Variants in GPC5 observed in about 807,000 individuals in gnomAD.
GPC5 encodes glypican 5.
A neutral mutation model predicts 53.9 loss-of-function variants in GPC5; 47 were observed. The ratio of observed to expected loss-of-function variants is 0.87; its 90% CI spans 0.69 to 1.11. The LOEUF (loss-of-function observed/expected upper bound fraction) is 1.11. Among genes scored for constraint, GPC5 ranks in the 50% most tolerant of loss-of-function variants. The pLI is 0.00. For missense variants in GPC5, 748 were observed against 713.1 expected (o/e 1.05, Z -0.56); for synonymous variants, 286 against 263.3 (o/e 1.09, Z -0.84).
At chr13:92,466,758 G>C (rs1878706953) in intron 7 of GPC5, among the ~76,000 whole-genome samples, 1 of 152,056 alleles carries the variant, frequency 6.6e-6, no homozygotes, top group Non-Finnish European at 1.5e-5. Flanking sequence ...TTGGTGGTAG[G>C]ATGGTGGTAC....
At chr13:92,591,776 A>T (rs1594329268) in intron 7 of GPC5, among the ~76,000 whole-genome samples, 4 of 152,120 alleles carry the variant, frequency 2.6e-5, no homozygotes, top group Admixed American at 2.0e-4. Flanking sequence ...GCCATTGGTA[A>T]CCGCCATTCT....
intron 7 of GPC5, among the ~76,000 whole-genome samples, chr13:92,669,290 T>C (rs1320912847): frequency 9.2e-5 from 14 of 152,158 alleles, no homozygotes. Flanking sequence ...ATTTTTTTAT[T>C]TCACCATGAC....
chr13:92,360,334 A>G (rs1243023387), intron 7 of GPC5, among the ~76,000 whole-genome samples: 3 of 151,738 alleles, frequency 2.0e-5, no homozygotes, highest in African/African-American at 4.9e-5. Flanking sequence ...ATGCAAATCA[A>G]TAAATGTGAA....
intron 2 of GPC5, among the ~76,000 whole-genome samples, chr13:91,488,382 G>T (rs1883735746): frequency 1.3e-5 from 2 of 152,188 alleles, no homozygotes; most frequent in Admixed American, 6.5e-5. Context: ...ATTCCCCAAG[G>T]TAAGTTGAAG....
chr13:92,705,221 G>A (rs1371336838), intron 7 of GPC5, among the ~76,000 whole-genome samples: 1 of 151,982 alleles, frequency 6.6e-6, no homozygotes, highest in African/African-American at 2.4e-5. Context: ...ATTCAAATAA[G>A]TTTTGAATTT....
At chr13:92,515,721 C>G (rs1259675065) in intron 7 of GPC5, among the ~76,000 whole-genome samples, 2 of 151,992 alleles carry the variant, frequency 1.3e-5, no homozygotes, top group African/African-American at 4.8e-5. Flanking sequence ...AATGGAAATC[C>G]TGGTTTATGG....
intron 2 of GPC5, among the ~76,000 whole-genome samples, chr13:91,537,528 C>CA (rs1440379863): frequency 2.6e-5 from 4 of 151,922 alleles, no homozygotes; most frequent in Admixed American, 6.6e-5. Flanking sequence ...TATTGGTAAG[C>CA]AAAAAAAGTC....
chr13:92,255,909 A>G (rs1197781279), intron 7 of GPC5, among the ~76,000 whole-genome samples: 7 of 152,136 alleles, frequency 4.6e-5, no homozygotes, highest in Admixed American at 4.6e-4. Context: ...TTTAGAAGGA[A>G]GGGAATGACT....
intron 6 of GPC5, among the ~76,000 whole-genome samples, chr13:91,977,609 CA>C (rs2040315470): frequency 6.6e-6 from 1 of 151,902 alleles, no homozygotes; most frequent in Admixed American, 6.5e-5. Context: ...ATAGACAATG[CA>C]AAAAAGGGCA....
At position 91,628,897 on chromosome 13, in the gene GPC5, C is replaced by T. The variant is rs116346165; in HGVS notation, c.326-64290C>T. Among the ~76,000 whole-genome samples, 629 of 152,214 alleles carry T rather than the reference C, an allele frequency of 4.1e-3. 7 individuals are homozygous for T. The highest frequency in any genetic ancestry group is 0.014 in the African/African-American group (601 of 41,548). On this transcript the variant is annotated intron_variant, in intron 2 of 7. Coordinates refer to ENST00000377067, the MANE Select transcript of GPC5 (RefSeq NM_004466.6). ...CATTTCTAATAAGCAGCTAGTCCAC[C>T]TGACACAGTTTAAGTAGCAGTGTTG...
intron 7 of GPC5, among the ~76,000 whole-genome samples, chr13:92,205,699 T>A (rs2042328675): frequency 6.6e-6 from 1 of 152,178 alleles, no homozygotes; most frequent in Admixed American, 6.5e-5. Context: ...GTGATATCAT[T>A]ATAAATATAC....
chr13:92,120,942 T>A (rs980663651), intron 6 of GPC5, among the ~76,000 whole-genome samples: 1 of 152,184 alleles, frequency 6.6e-6, no homozygotes, highest in Non-Finnish European at 1.5e-5. Context: ...TTATTTCCTA[T>A]CCACTAGCAT....
At chr13:92,452,569 C>A (rs1021027139) in intron 7 of GPC5, among the ~76,000 whole-genome samples, 20 of 130,304 alleles carry the variant, frequency 1.5e-4, no homozygotes, top group South Asian at 9.2e-4. Context: ...ATGATTACTC[C>A]AAAAAAAACA....
intron 7 of GPC5, among the ~76,000 whole-genome samples, chr13:92,662,420 A>G (rs1339860220): frequency 6.6e-6 from 1 of 152,028 alleles, no homozygotes; most frequent in Non-Finnish European, 1.5e-5. Flanking sequence ...CCATTAATCT[A>G]TTCTACTCAA....
Position 92,156,900 on chromosome 13 carries a change from T to A in GPC5, c.1561+11911T>A, listed in dbSNP as rs73620859. Among the ~76,000 whole-genome samples the A allele has an allele frequency of 6.0e-3, 916 of 152,210 alleles. 17 individuals carry two copies. Among genetic ancestry groups the A allele is most frequent in the African/African-American group, 0.021 (880 of 41,562 alleles). ...TATTAATATTAAACAGCAGTGTTTTTAAAATGTATATGCCTCCAATTTGTC... is the reference window on the plus strand; with the variant it reads ...TATTAATATTAAACAGCAGTGTTTTAAAAATGTATATGCCTCCAATTTGTC... On this transcript the variant is annotated intron_variant, in intron 7 of 7. Coordinates refer to ENST00000377067, the MANE Select transcript of GPC5 (RefSeq NM_004466.6).
intron 5 of GPC5, among the ~76,000 whole-genome samples, chr13:91,903,761 A>C (rs1282669095): frequency 6.6e-6 from 1 of 152,142 alleles, no homozygotes; most frequent in East Asian, 1.9e-4. Context: ...TATAATTATA[A>C]TACATTTTAT....
chr13:91,558,905 TG>T (rs1365174380), intron 2 of GPC5, among the ~76,000 whole-genome samples: 2 of 152,160 alleles, frequency 1.3e-5, no homozygotes, highest in Non-Finnish European at 2.9e-5. Context: ...ATATTCCTCC[TG>T]TGTCCACTAT....
intron 1 of GPC5, among the ~76,000 whole-genome samples, chr13:91,448,012 T>C (rs920746519): frequency 1.3e-5 from 2 of 152,180 alleles, no homozygotes; most frequent in Non-Finnish European, 2.9e-5. Flanking sequence ...CCTGGGTCCC[T>C]ACCAGGATGA....
At position 91,908,056 on chromosome 13, in the gene GPC5, A is replaced by C. The variant is rs545921186; in HGVS notation, c.1400A>C (p.Gln467Pro). Residue 467 changes from glutamine (Q) to proline (P), a missense_variant and splice_region_variant, in exon 6 of 8, where the codon CAG becomes CCG. Transcript: ENST00000377067. ...ATTGATAAACTGAAGCATGTTGTTC[A>C]GGTAAGTCCTGATCCTATATTTATT... ...QIIDKLKHVV[Q>P]LLQGRSPKPD... The C allele has an allele frequency of 6.4e-7, 1 of 1,566,380 alleles. No individual in the cohort carries two copies. The highest frequency in any genetic ancestry group is 1.8e-5 in the Admixed American group (1 of 55,974).
Sources: gnomAD v4.1 joint callset for allele counts (sites outside exome capture counted in the v4.1 genomes callset) on GRCh38, gnomAD v4.1.1 for gene constraint, MANE v1.5 for transcripts, NCBI Gene and HGNC (gene_info 2026-07-23, HGNC 2026-07-21) for gene names.